The following PRDM1 variants were observed in gnomAD, a reference collection of about 807,000 sequenced individuals.
PRDM1 encodes the protein PR/SET domain 1.
A neutral mutation model predicts 62.8 loss-of-function variants in PRDM1; 13 were observed. The observed-to-expected ratio is 0.21, with a 90% CI of 0.13 to 0.33. The LOEUF (loss-of-function observed/expected upper bound fraction) is 0.33, where lower values mean the gene tolerates loss of function less well. PRDM1 is among the 10% of genes least tolerant of loss of function. The pLI is 1.00. For synonymous variants in PRDM1, 396 were observed against 417.6 expected (o/e 0.95, Z 0.63); for missense variants, 895 against 1,058.8 (o/e 0.85, Z 2.15).
chr6:106,088,254 G>C lies in PRDM1; in HGVS notation c.96G>C (p.Gly32=), dbSNP rs769047021. 9.9e-6 allele frequency: 16 copies of C among 1,613,978 alleles called. No homozygotes were observed. The highest frequency in any genetic ancestry group is 1.4e-5 in the Non-Finnish European group (16 of 1,180,018). ...STVRFQGLAE[G]TKGTMKMDME... ...TGAGGTTTCAGGGATTGGCAGAGGG[G>C]ACCAAGGGGACCATGAAAATGGACA... is the stretch of plus-strand genomic sequence containing the variant. Residue 32 remains glycine (G), a synonymous_variant, in exon 2 of 7, where the codon GGG becomes GGC. Coordinates refer to ENST00000369096, the MANE Select transcript of PRDM1 (RefSeq NM_001198.4).
chr6:106,089,961 A>C (rs2114621180), intron 2 of PRDM1, among the ~76,000 whole-genome samples: 1 of 152,328 alleles, frequency 6.6e-6, no homozygotes, highest in Non-Finnish European at 1.5e-5. Flanking sequence ...TAATTCTATA[A>C]TGTTCTTATC....
intron 1 of PRDM1, among the ~76,000 whole-genome samples, chr6:106,051,378 C>A (rs1773171679): frequency 6.6e-6 from 1 of 152,236 alleles, no homozygotes; most frequent in Non-Finnish European, 1.5e-5. Context: ...AGGCCTCTTC[C>A]CCAAACTAGG....
chr6:106,105,753 C>T lies in PRDM1; in HGVS notation c.1593C>T (p.Pro531=), dbSNP rs774960677. ...CCACGGCAGAACATGTGGTGCAGCC[C>T]AAAGCTACCTCAGCAGCGATGGCAG... ...TAATAEHVVQ[P]KATSAAMAAP... Residue 531 remains proline, a synonymous_variant, in exon 5 of 7, where the codon CCC becomes CCT. Transcript: ENST00000369096. The T allele has an allele frequency of 2.5e-5, 40 of 1,614,134 alleles. No individual in the cohort carries two copies. Among genetic ancestry groups the T allele is most frequent in the Admixed American group, 2.0e-4 (12 of 60,034 alleles).
chr6:106,007,510 A>G, intron 1 of PRDM1, among the ~76,000 whole-genome samples: 1 of 148,440 alleles, frequency 6.7e-6, no homozygotes, highest in East Asian at 1.9e-4. Context: ...TTCATGTGAA[A>G]TTATCTACTA....
intron 1 of PRDM1, among the ~76,000 whole-genome samples, chr6:106,016,870 T>C (rs1241897697): frequency 6.6e-6 from 1 of 152,114 alleles, no homozygotes; most frequent in African/African-American, 2.4e-5. Flanking sequence ...GCCACGATGG[T>C]CTCGAACTCT....
intron 1 of PRDM1, among the ~76,000 whole-genome samples, chr6:105,998,485 A>G (rs990519354): frequency 1.3e-5 from 2 of 152,234 alleles, no homozygotes; most frequent in Admixed American, 1.3e-4. Context: ...ATTAATATAT[A>G]AGGTGCAACG....
chr6:106,058,905 C>T (rs931541531), intron 1 of PRDM1, among the ~76,000 whole-genome samples: 8 of 152,162 alleles, frequency 5.3e-5, no homozygotes, highest in African/African-American at 1.9e-4. Context: ...TTCATAATGT[C>T]AGTGTCCTGT....
chr6:106,098,038 A>C (rs1774158144), intron 3 of PRDM1: 1 of 191,580 alleles, frequency 5.2e-6, no homozygotes, highest in Non-Finnish European at 9.6e-6. Context: ...TTAAAGGGAC[A>C]GAGTTCCTTT....
chr6:106,011,296 T>C (rs1772545194), intron 1 of PRDM1, among the ~76,000 whole-genome samples: 1 of 152,166 alleles, frequency 6.6e-6, no homozygotes, highest in African/African-American at 2.4e-5. Context: ...GCCTAGTCTG[T>C]GGAAAGGGCA....
upstream of PRDM1, chr6:106,046,699 G>A (rs576976102): frequency 2.0e-5 from 3 of 152,404 alleles, no homozygotes; most frequent in Admixed American, 6.5e-5. Flanking sequence ...GCCTCTGCCC[G>A]GCAGGGCTCT....
chr6:106,067,715 G>A (rs1160616594), intron 1 of PRDM1, among the ~76,000 whole-genome samples: 1 of 152,204 alleles, frequency 6.6e-6, no homozygotes, highest in Non-Finnish European at 1.5e-5. Flanking sequence ...AGGGGCCGGG[G>A]AAAGGGAGGA....
chr6:106,036,978 CTCTT>C (rs1372954488), intron 1 of PRDM1, among the ~76,000 whole-genome samples: 1 of 152,154 alleles, frequency 6.6e-6, no homozygotes, highest in Non-Finnish European at 1.5e-5. Flanking sequence ...CCATTCCTGG[CTCTT>C]TATTTCTTCA....
chr6:106,083,323 A>G (rs1773726614), upstream of PRDM1, among the ~76,000 whole-genome samples: 1 of 152,036 alleles, frequency 6.6e-6, no homozygotes, highest in Non-Finnish European at 1.5e-5. Context: ...CAGGAGTTGA[A>G]TGAGAAAATG....
intron 1 of PRDM1, among the ~76,000 whole-genome samples, chr6:106,060,950 A>G (rs1413037822): frequency 6.6e-6 from 1 of 152,164 alleles, no homozygotes; most frequent in Non-Finnish European, 1.5e-5. Context: ...GATGATGGCA[A>G]CAAGCAGAGG....
At chr6:106,047,424 A>G (rs1173877741), upstream of PRDM1, among the ~76,000 whole-genome samples, 1 of 152,256 alleles carries the variant, frequency 6.6e-6, no homozygotes, top group East Asian at 1.9e-4. Context: ...GCCTGTAGAA[A>G]GATGGACAGA....
chr6:106,027,825 T>A, intron 1 of PRDM1, among the ~76,000 whole-genome samples: 1 of 152,236 alleles, frequency 6.6e-6, no homozygotes, highest in East Asian at 1.9e-4. Context: ...ATGTGAAATG[T>A]TCTTTGGCTG....
chr6:106,069,224 G>A (rs72941670), intron 1 of PRDM1, among the ~76,000 whole-genome samples: 126 of 152,172 alleles, frequency 8.3e-4, no homozygotes, highest in Admixed American at 2.5e-3. Flanking sequence ...AACAAATTTT[G>A]TAACTTGATT....
intron 4 of PRDM1, 82 bp downstream of exon 4, chr6:106,099,634 T>G (rs912224396): frequency 6.5e-7 from 1 of 1,537,190 alleles, no homozygotes; most frequent in South Asian, 1.2e-5. Context: ...TGTTGTTTAA[T>G]TATACGGCTT....
In PRDM1 at chr6:106,106,009, G is replaced by T; in HGVS notation, c.1773+76G>T. On this transcript the variant is annotated intron_variant, in intron 5 of 6. Coordinates refer to ENST00000369096, the MANE Select transcript of PRDM1 (RefSeq NM_001198.4). This position sits in a 1 kb window ranked among gnomAD's most constrained non-coding sequence, Gnocchi z 4.4. ...TTGTATTTAGCTTGCTTTCCATGGG[G>T]TATCGATTGCATTTGCAGTAGTATG... 6.5e-7 allele frequency: 1 copy of T among 1,531,144 alleles called. No individual in the cohort carries two copies. Among genetic ancestry groups the T allele is most frequent in the Non-Finnish European group, 8.8e-7 (1 of 1,138,930 alleles). The allele number at this position is 1,531,144 out of a possible 1,614,324, so 94.8% of individuals were successfully genotyped here.
Sources: allele counts gnomAD v4.1 joint callset (sites outside exome capture counted in the v4.1 genomes callset), GRCh38; gene constraint gnomAD v4.1.1; non-coding constraint Gnocchi (gnomAD v3.1); transcripts MANE v1.5; gene names NCBI Gene and HGNC (gene_info 2026-07-23, HGNC 2026-07-21).